SHC4: variants seen among roughly 807,000 people sequenced by gnomAD.
SHC4 encodes SHC adaptor protein 4.
Under a neutral mutation model 69.4 loss-of-function variants are expected in SHC4, and 41 were observed. The ratio of observed to expected loss-of-function variants is 0.59; its 90% confidence interval spans 0.46 to 0.77. The LOEUF is 0.77. SHC4 is among the 30% of genes least tolerant of loss of function. The probability of loss-of-function intolerance (pLI) is 0.00; values close to 1 mark genes in which losing one functional copy is unlikely to be tolerated. For missense variants in SHC4, 777 were observed against 783.8 expected (o/e 0.99, Z 0.10); for synonymous variants, 318 against 299.3 (o/e 1.06, Z -0.64).
intron 11 of SHC4, among the ~76,000 whole-genome samples, chr15:48,832,744 TTTG>T (rs970738972): frequency 2.0e-5 from 3 of 152,110 alleles, no homozygotes; most frequent in African/African-American, 7.2e-5. Flanking sequence ...AAGTAATATT[TTTG>T]TTGTTGTTCC....
intron 11 of SHC4, among the ~76,000 whole-genome samples, chr15:48,830,914 A>G (rs897665360): frequency 1.3e-5 from 2 of 152,210 alleles, no homozygotes; most frequent in African/African-American, 4.8e-5. Context: ...AACTCCATGC[A>G]AGTTATTGCT....
At chr15:48,920,714 A>G (rs576889593) in intron 2 of SHC4, among the ~76,000 whole-genome samples, 8 of 152,264 alleles carry the variant, frequency 5.3e-5, no homozygotes, top group African/African-American at 1.7e-4. Flanking sequence ...TAGTGATCCT[A>G]ATTCTAGAAT....
intron 11 of SHC4, among the ~76,000 whole-genome samples, chr15:48,830,399 G>C (rs1898775043): frequency 6.6e-6 from 1 of 152,062 alleles, no homozygotes; most frequent in South Asian, 2.1e-4. Flanking sequence ...ATATTTTATA[G>C]TTACATAGTT....
chr15:48,841,482 C>T (rs2140972006), intron 10 of SHC4, among the ~76,000 whole-genome samples: 1 of 152,326 alleles, frequency 6.6e-6, no homozygotes, highest in Non-Finnish European at 1.5e-5. Context: ...CAGCAGTCAG[C>T]CTGCAGCTGA....
chr15:48,878,279 A>G, intron 4 of SHC4: 2 of 1,613,680 alleles, frequency 1.2e-6, no homozygotes, highest in Non-Finnish European at 1.7e-6. Context: ...GGAGGTAGGC[A>G]GCGGGAGCCG....
At chr15:48,939,946 A>G (rs1901144344) in intron 1 of SHC4, among the ~76,000 whole-genome samples, 1 of 152,254 alleles carries the variant, frequency 6.6e-6, no homozygotes, top group Non-Finnish European at 1.5e-5. Context: ...TTGGAAGCCC[A>G]TCTGGTATTC....
At position 48,962,851 on chromosome 15, in the gene SHC4, C is replaced by T. The variant is rs147496088; in HGVS notation, c.165G>A (p.Ser55=). 37 of 1,612,808 alleles carry T rather than the reference C, an allele frequency of 2.3e-5. 1 individual carries two copies. The highest frequency in any genetic ancestry group is 2.5e-5 in the Non-Finnish European group (30 of 1,180,004). Residue 55 remains serine (S), a synonymous_variant, in exon 1 of 12, where the codon TCG becomes TCA. Transcript: ENST00000332408. ...CCAGGGCGGGGTGGGGAGGCTGCGG[C>T]GAGCCCTTGTTCCCGACCGAGCCTC... ...SSGGSVGNKG[S]PQPPHPALAP...
chr15:48,889,677 T>C (rs1358884126), intron 3 of SHC4, among the ~76,000 whole-genome samples: 1 of 152,154 alleles, frequency 6.6e-6, no homozygotes, highest in Non-Finnish European at 1.5e-5. Flanking sequence ...ACCCCGTCTC[T>C]ACTAAAAATA....
chr15:48,862,196 GTTTT>G (rs377462915), intron 6 of SHC4, among the ~76,000 whole-genome samples: 1 of 146,098 alleles, frequency 6.8e-6, no homozygotes, highest in African/African-American at 2.5e-5. Context: ...TGGTTTTGGG[GTTTT>G]TTTTTTTTTA....
intron 2 of SHC4, among the ~76,000 whole-genome samples, chr15:48,900,723 T>C (rs942387955): frequency 2.0e-5 from 3 of 152,170 alleles, no homozygotes; most frequent in Non-Finnish European, 4.4e-5. Flanking sequence ...AGGCAGTGGT[T>C]CTCAGCCTTG....
chr15:48,836,713 C>T (rs1898905438), intron 10 of SHC4, among the ~76,000 whole-genome samples: 1 of 152,130 alleles, frequency 6.6e-6, no homozygotes, highest in African/African-American at 2.4e-5. Flanking sequence ...ACGATCATCC[C>T]ATGAAGTCAC....
chr15:48,843,830 T>C (rs1899040286), intron 9 of SHC4, among the ~76,000 whole-genome samples: 1 of 152,154 alleles, frequency 6.6e-6, no homozygotes, highest in Admixed American at 6.5e-5. Flanking sequence ...ACCAATTGCG[T>C]CAACAGCAGA....
intron 9 of SHC4, among the ~76,000 whole-genome samples, chr15:48,847,960 C>T (rs1165508656): frequency 1.3e-5 from 2 of 150,402 alleles, no homozygotes; most frequent in Admixed American, 1.3e-4. Flanking sequence ...CGAGATGGCG[C>T]CATTGCACTC....
chr15:48,931,014 C>T (rs1006166170), intron 1 of SHC4, among the ~76,000 whole-genome samples: 2 of 152,230 alleles, frequency 1.3e-5, no homozygotes, highest in Non-Finnish European at 2.9e-5. Context: ...TTCCTACTCA[C>T]CTATTGGGGT....
At chr15:48,931,504 A>G (rs941577056) in intron 1 of SHC4, among the ~76,000 whole-genome samples, 2 of 152,256 alleles carry the variant, frequency 1.3e-5, no homozygotes, top group Admixed American at 1.3e-4. Flanking sequence ...AGAAAAGTCA[A>G]CTCTTACTTT....
chr15:48,941,651 A>T (rs903737217), intron 1 of SHC4, among the ~76,000 whole-genome samples: 3 of 152,308 alleles, frequency 2.0e-5, no homozygotes, highest in African/African-American at 7.2e-5. Flanking sequence ...AATTATTTTA[A>T]TTATGAATCA....
intron 4 of SHC4, chr15:48,877,818 A>C: frequency 5.4e-6 from 1 of 184,604 alleles, no homozygotes; most frequent in Non-Finnish European, 1.1e-5. Flanking sequence ...GGGGAAGAGG[A>C]AGGGGGGGAA....
At chr15:48,859,427 A>T (rs1157837107) in intron 6 of SHC4, among the ~76,000 whole-genome samples, 1 of 151,932 alleles carries the variant, frequency 6.6e-6, no homozygotes. Context: ...TTAAAGTACA[A>T]ATTGGATCCT....
chr15:48,926,466 T>A (rs996586404), intron 1 of SHC4, among the ~76,000 whole-genome samples: 9 of 151,962 alleles, frequency 5.9e-5, no homozygotes, highest in African/African-American at 2.2e-4. Context: ...TATTTCTTTT[T>A]TTTTTTTTTC....
Sources: gnomAD v4.1 joint callset for allele counts (sites outside exome capture counted in the v4.1 genomes callset) on GRCh38, gnomAD v4.1.1 for gene constraint, MANE v1.5 for transcripts, NCBI Gene and HGNC (gene_info 2026-07-23, HGNC 2026-07-21) for gene names.